The following C1QC variants were observed in gnomAD, a reference collection of about 807,000 sequenced individuals.
The protein encoded by C1QC is complement C1q C chain.
Under a neutral mutation model 5.9 loss-of-function variants are expected in C1QC, and 4 were observed. The observed-to-expected ratio is 0.68, with a 90% CI of 0.33 to 1.55. The LOEUF (loss-of-function observed/expected upper bound fraction) is 1.55. Among genes scored for constraint, C1QC ranks in the 40% most tolerant of loss-of-function variants. C1QC has a pLI of 0.06. For synonymous variants in C1QC, 166 were observed against 153.8 expected, an observed-to-expected ratio of 1.08 and a Z score of -0.59; for missense variants, 299 against 326.9, an observed-to-expected ratio of 0.91 and a Z score of 0.66.
In C1QC at chr1:22,647,323, C is replaced by T; in HGVS notation, c.278C>T (p.Pro93Leu). 1 of 1,613,958 alleles carries T rather than the reference C, an allele frequency of 6.2e-7. No homozygotes were observed. The highest frequency in any genetic ancestry group is 8.5e-7 in the Non-Finnish European group (1 of 1,179,960). ...HPGKNGPMGP[P>L]GMPGVPGPMG... ...GGGAAAAATGGCCCCATGGGACCCC[C>T]TGGGATGCCAGGGGTGCCCGGCCCC... is the stretch of plus-strand genomic sequence containing the variant. Residue 93 changes from proline to leucine, a missense_variant, in exon 3 of 3, where the codon CCT (proline) becomes CTT (leucine). This residue lies in a region of C1QC where 146 missense variants were observed against 144.1 expected (regional missense o/e 1.01). Coordinates refer to ENST00000374640, the MANE Select transcript of C1QC (RefSeq NM_172369.5).
At chr1:22,647,140 A>AG in intron 2 of C1QC, 87 bp from the exon 3 acceptor site, 1 of 1,468,632 alleles carries the variant, frequency 6.8e-7, no homozygotes, top group Non-Finnish European at 9.3e-7. Context: ...ACCAAATGCC[A>AG]GCGCTGTGTT....
chr1:22,644,047 GC>G lies in C1QC; in HGVS notation c.28del (p.His10ThrfsTer4). The G allele has an allele frequency of 6.3e-7, 1 of 1,587,754 alleles. No individual in the cohort carries two copies. The highest frequency in any genetic ancestry group is 1.2e-5 in the South Asian group (1 of 86,530). ...GGATGGACGTGGGGCCCAGCTCCCT[GC>G]CCCACCTTGGGCTGAAGCTGCTGCT... MDVGPSSL[P>X]HLGLKLLLLL... On this transcript the variant is annotated frameshift_variant, in exon 2 of 3. Transcript: ENST00000374640. LOFTEE classifies it high-confidence loss of function.
At chr1:22,645,067 C>T (rs72877151) in intron 2 of C1QC, among the ~76,000 whole-genome samples, 10,972 of 152,044 alleles carry the variant, frequency 0.072, 472 homozygotes, top group South Asian at 0.18. Context: ...TGACACTGAG[C>T]GGAGGTGATG....
chr1:22,644,081 C>A lies in C1QC; in HGVS notation c.58C>A (p.Leu20Met). 2 of 1,580,264 alleles carry A rather than the reference C, an allele frequency of 1.3e-6. No homozygotes were observed. The highest frequency in any genetic ancestry group is 1.2e-5 in the South Asian group (1 of 86,000). The change falls in exon 2 of 3, where the codon CTG (leucine) becomes ATG (methionine). Residue 20 changes from leucine (L) to methionine (M), a missense_variant. Physicochemically the swap from Leu to Met is conservative, Grantham distance 15. Transcript: ENST00000374640. ...TGGGCTGAAGCTGCTGCTGCTCCTG[C>A]TGCTGCTGCCCCTCAGGGGCCAAGC... ...HLGLKLLLLL[L>M]LLPLRGQANT...
In C1QC at chr1:22,647,534, C is replaced by T. The variant is rs780872167; in HGVS notation, c.489C>T (p.Pro163=). Reference sequence around the variant, plus strand: ...CTGGCAAGTTCACCTGCAAAGTCCCCGGCCTCTACTACTTTGTCTACCACG... The same window carrying T: ...CTGGCAAGTTCACCTGCAAAGTCCCTGGCCTCTACTACTTTGTCTACCACG... ...TSTGKFTCKV[P]GLYYFVYHAS... Residue 163 remains proline (P), a synonymous_variant, in exon 3 of 3, where the codon CCC becomes CCT. Coordinates refer to ENST00000374640, the MANE Select transcript of C1QC (RefSeq NM_172369.5). The T allele has an allele frequency of 8.1e-6, 13 of 1,614,106 alleles. No homozygotes were observed. Among genetic ancestry groups the T allele is most frequent in the Admixed American group, 6.7e-5 (4 of 60,006 alleles).
Position 22,644,051 on chromosome 1 carries a change from C to T in C1QC, c.28C>T (p.His10Tyr), listed in dbSNP as rs1406144082. 1 of 1,587,406 alleles carries T rather than the reference C, an allele frequency of 6.3e-7. No homozygotes were observed. Among genetic ancestry groups the T allele is most frequent in the South Asian group, 1.2e-5 (1 of 86,476 alleles). ...GGACGTGGGGCCCAGCTCCCTGCCC[C>T]ACCTTGGGCTGAAGCTGCTGCTGCT... MDVGPSSLP[H>Y]LGLKLLLLLL... The change falls in exon 2 of 3, where the codon CAC becomes TAC. Residue 10 changes from histidine (H) to tyrosine (Y), a missense_variant. Transcript: ENST00000374640.
At chr1:22,646,510 A>C (rs897789875) in intron 2 of C1QC, among the ~76,000 whole-genome samples, 2 of 152,254 alleles carry the variant, frequency 1.3e-5, no homozygotes, top group African/African-American at 4.8e-5. Context: ...AGTCTACATA[A>C]GCTTTGTGAA....
chr1:22,647,269 A>G lies in C1QC; in HGVS notation c.224A>G (p.Lys75Arg), dbSNP rs1309208384. The G allele has an allele frequency of 1.2e-6, 2 of 1,611,410 alleles. No homozygotes were observed. Among genetic ancestry groups the G allele is most frequent in the East Asian group, 2.2e-5 (1 of 44,874 alleles). Residue 75 changes from lysine to arginine, a missense_variant, in exon 3 of 3, where the codon AAG (lysine) becomes AGG (arginine). Lys to Arg is a conservative substitution (Grantham distance 26). Around this residue, in one of 3 missense-constraint regions of C1QC, gnomAD observed 146 missense variants for 144.1 expected, o/e 1.01. Coordinates refer to ENST00000374640, the MANE Select transcript of C1QC (RefSeq NM_172369.5). ...GGGATCCGAGGACCCAAAGGGCAGA[A>G]GGGAGAACCCGGCTTACCCGGCCAT... ...IPGIRGPKGQKGEPGLPGHPG... is the reference protein window; with the variant it reads ...IPGIRGPKGQRGEPGLPGHPG...
chr1:22,644,736 A>G (rs12401504), intron 2 of C1QC, among the ~76,000 whole-genome samples: 29,835 of 152,202 alleles, frequency 0.2, 3,372 homozygotes, highest in Admixed American at 0.28. Flanking sequence ...GATTAAGTTA[A>G]CTTAAATATA....
rs763692828 is a variant in C1QC at position 22,647,672 on chromosome 1, G to A, written c.627G>A (p.Leu209=). 6.2e-7 allele frequency: 1 copy of A among 1,610,952 alleles called. No homozygotes were observed. The highest frequency in any genetic ancestry group is 1.1e-5 in the South Asian group (1 of 91,092). Reference sequence around the variant, plus strand: ...AGGTCAACTCGGGCGGTGTGCTGCTGAGGTTGCAGGTGGGCGAGGAGGTGT... The same window carrying A: ...AGGTCAACTCGGGCGGTGTGCTGCTAAGGTTGCAGGTGGGCGAGGAGGTGT... ...TNQVNSGGVL[L]RLQVGEEVWL... The change falls in exon 3 of 3, where the codon CTG becomes CTA. Residue 209 remains leucine, a synonymous_variant. Coordinates refer to ENST00000374640, the MANE Select transcript of C1QC (RefSeq NM_172369.5).
At chr1:22,645,740 T>C (rs1642358133) in intron 2 of C1QC, among the ~76,000 whole-genome samples, 1 of 152,130 alleles carries the variant, frequency 6.6e-6, no homozygotes, top group Admixed American at 6.5e-5. Flanking sequence ...TGCCCGTATC[T>C]CAACTGAGCA....
intron 2 of C1QC, 85 bp from the exon 3 acceptor site, chr1:22,647,142 C>T (rs1282460322): frequency 8.8e-6 from 13 of 1,476,250 alleles, no homozygotes; most frequent in African/African-American, 5.6e-5. Flanking sequence ...CAAATGCCAG[C>T]GCTGTGTTCC....
At chr1:22,645,331 G>C (rs1371648832) in intron 2 of C1QC, among the ~76,000 whole-genome samples, 1 of 152,096 alleles carries the variant, frequency 6.6e-6, no homozygotes, top group Non-Finnish European at 1.5e-5. Flanking sequence ...ACCCGTGATT[G>C]AGCCCCCAAG....
At chr1:22,644,297 A>G (rs111257252) in intron 2 of C1QC, 93 bp downstream of exon 2, 1 of 1,420,988 alleles carries the variant, frequency 7.0e-7, no homozygotes, top group African/African-American at 1.4e-5. Context: ...GACAGCAGGA[A>G]GTGCTTGCCT....
rs139780188 is a variant in C1QC at position 22,647,367 on chromosome 1, C to T, written c.322C>T (p.Pro108Ser). 22 of 1,613,910 alleles carry T rather than the reference C, an allele frequency of 1.4e-5. No individual in the cohort carries two copies. Among genetic ancestry groups the T allele is most frequent in the African/African-American group, 2.7e-5 (2 of 74,892 alleles). The part of the protein sequence containing the change: ...VPGPMGIPGE[P>S]GEEGRYKQKF... ...CGGCCCCATGGGCATCCCTGGAGAGCCAGGTGAGGAGGGCAGATACAAGCA... is the reference window on the plus strand; with the variant it reads ...CGGCCCCATGGGCATCCCTGGAGAGTCAGGTGAGGAGGGCAGATACAAGCA... The change falls in exon 3 of 3, where the codon CCA (proline) becomes TCA (serine). Residue 108 changes from proline (P) to serine (S), a missense_variant. By Grantham distance (74) the Pro-to-Ser change is moderately conservative. This residue lies in a region of C1QC where 146 missense variants were observed against 144.1 expected (regional missense o/e 1.01). Transcript: ENST00000374640.
chr1:22,647,156 G>T, intron 2 of C1QC, 71 bp from the exon 3 acceptor site: 1 of 1,554,748 alleles, frequency 6.4e-7, no homozygotes, highest in Non-Finnish European at 8.7e-7. Context: ...GTGTTCCCTG[G>T]AAGACACCCT....
chr1:22,646,739 G>A (rs1642374837), intron 2 of C1QC, among the ~76,000 whole-genome samples: 1 of 152,238 alleles, frequency 6.6e-6, no homozygotes, highest in East Asian at 1.9e-4. Context: ...AACTTAAGCT[G>A]CCTCTGACCA....
chr1:22,647,555 C>T lies in C1QC; in HGVS notation c.510C>T (p.Tyr170=), dbSNP rs774598412. 3 of 1,614,254 alleles carry T rather than the reference C, an allele frequency of 1.9e-6. No individual in the cohort carries two copies. The highest frequency in any genetic ancestry group is 2.2e-5 in the East Asian group (1 of 44,882). The part of the protein sequence containing the change: ...CKVPGLYYFV[Y]HASHTANLCV... Reference sequence around the variant, plus strand: ...TCCCCGGCCTCTACTACTTTGTCTACCACGCGTCGCATACAGCCAACCTGT... The same window carrying T: ...TCCCCGGCCTCTACTACTTTGTCTATCACGCGTCGCATACAGCCAACCTGT... The change falls in exon 3 of 3, where the codon TAC becomes TAT. Residue 170 remains tyrosine, a synonymous_variant. Coordinates refer to ENST00000374640, the MANE Select transcript of C1QC (RefSeq NM_172369.5).
In C1QC at chr1:22,644,221, G is replaced by A. The variant is rs768882403; in HGVS notation, c.181+17G>A. 7.1e-6 allele frequency: 11 copies of A among 1,543,888 alleles called. No individual in the cohort carries two copies. The African/African-American group carries it at 1.2e-4, about 17-fold the overall frequency. ...GGGAGCCAGGTGAGTCTGCTGGCCT[G>A]GTTTGGGGGTTTGGGTCTGGGGCAG... On this transcript the variant is annotated intron_variant, in intron 2 of 2. Transcript: ENST00000374640.
Sources: gnomAD v4.1 joint callset for allele counts (sites outside exome capture counted in the v4.1 genomes callset) on GRCh38, gnomAD v4.1.1 for gene constraint, gnomAD v4.1.1 regional missense constraint, MANE v1.5 for transcripts, NCBI Gene and HGNC (gene_info 2026-07-23, HGNC 2026-07-21) for gene names.